SMARCA4: variants seen among roughly 807,000 people sequenced by gnomAD.
The protein encoded by SMARCA4 is SWI/SNF-related matrix-associated actin-dependent regulator of chromatin subfamily A member 4.
A neutral mutation model predicts 193.9 loss-of-function variants in SMARCA4; 31 were observed. The ratio of observed to expected loss-of-function variants is 0.16; its 90% CI spans 0.12 to 0.22. The LOEUF is 0.22. Ranked by LOEUF, SMARCA4 falls within the 10% of genes least tolerant of loss-of-function variation. The pLI, the probability that SMARCA4 is intolerant of heterozygous loss-of-function variation, is 1.00. For missense variants in SMARCA4, 1,148 were observed against 2,296.0 expected (o/e 0.50, Z 10.22); for synonymous variants, 942 against 933.1 (o/e 1.01, Z -0.17).
chr19:10,986,801 A>G lies in SMARCA4; in HGVS notation c.761-104A>G. On this transcript the variant is annotated intron_variant, in intron 4 of 34. Coordinates refer to ENST00000344626, the MANE Select transcript of SMARCA4 (RefSeq NM_003072.5). The surrounding 1 kb of genome is among the most constrained non-coding windows in gnomAD (Gnocchi z 6.7). ...GCTTCCCCTGGGGCCGCTGGTTAAT[A>G]GGTGTATCTGCTGTGTCCCCTGGAG... is the stretch of plus-strand genomic sequence containing the variant. 8.1e-7 allele frequency: 1 copy of G among 1,237,230 alleles called. No individual in the cohort carries two copies. Among genetic ancestry groups the G allele is most frequent in the Non-Finnish European group, 1.2e-6 (1 of 848,662 alleles). The allele number at this position is 1,237,230 out of a possible 1,614,324, so 76.6% of individuals were successfully genotyped here. A position where few individuals can be genotyped will look rare whatever the true frequency, so the allele number is the denominator to read the frequency against.
chr19:10,985,840 G>T lies in SMARCA4; in HGVS notation c.356-349G>T, dbSNP rs1216024504. On this transcript the variant is annotated intron_variant, in intron 3 of 34. Coordinates refer to ENST00000344626, the MANE Select transcript of SMARCA4 (RefSeq NM_003072.5). The surrounding 1 kb of genome is among the most constrained non-coding windows in gnomAD (Gnocchi z 4.5). ...GTCATCAGGGGTGGGAAGCTCAGGG[G>T]CTGCACTGGGAATGGAAGTGTTGGG... Among the ~76,000 whole-genome samples, 4 of 152,170 alleles carry T rather than the reference G, an allele frequency of 2.6e-5. No individual in the cohort carries two copies. The highest frequency in any genetic ancestry group is 5.9e-5 in the Non-Finnish European group (4 of 68,030).
chr19:11,053,955 T>C (rs2076402333), intron 30 of SMARCA4, among the ~76,000 whole-genome samples: 1 of 152,030 alleles, frequency 6.6e-6, no homozygotes, highest in African/African-American at 2.4e-5. Flanking sequence ...CTGCAGCAGG[T>C]GTTTGCAGTA....
At chr19:11,061,206 T>G (rs974069399) in intron 34 of SMARCA4, among the ~76,000 whole-genome samples, 1 of 38,950 alleles carries the variant, frequency 2.6e-5, no homozygotes. Flanking sequence ...AAAAAAAAAA[T>G]ATATATATAT....
intron 23 of SMARCA4, among the ~76,000 whole-genome samples, chr19:11,027,027 TC>T (rs1481201496): frequency 1.3e-5 from 2 of 152,220 alleles, no homozygotes. Context: ...CAGCCCAGAC[TC>T]CTTTAAGCCC....
chr19:10,991,964 G>A (rs188552756), intron 8 of SMARCA4, among the ~76,000 whole-genome samples: 1 of 152,244 alleles, frequency 6.6e-6, no homozygotes, highest in African/African-American at 2.4e-5. Context: ...TCAGTAAGAC[G>A]GAAATCTTCA....
intron 23 of SMARCA4, 61 bp downstream of exon 23, chr19:11,026,407 T>C: frequency 7.6e-7 from 1 of 1,313,488 alleles, no homozygotes; most frequent in Non-Finnish European, 1.1e-6. Flanking sequence ...TTTCTGTCGT[T>C]TTGTTGGCTT....
chr19:11,019,713 C>T lies in SMARCA4; in HGVS notation c.2616+12C>T, dbSNP rs754391614. On this transcript the variant is annotated intron_variant, in intron 18 of 34. Transcript: ENST00000344626. This position sits in a 1 kb window ranked among gnomAD's most constrained non-coding sequence, Gnocchi z 6.1. The stretch of plus-strand genomic sequence containing the variant: ...ACATCCTCGCCAAGGTAACGTGTCC[C>T]TGTGGGAAATGCCAGGCCATGGGCC... The T allele has an allele frequency of 1.3e-6, 2 of 1,589,212 alleles. No individual in the cohort carries two copies. The highest frequency in any genetic ancestry group is 2.2e-5 in the South Asian group (2 of 90,204).
chr19:11,050,560 G>C (rs2076201738), intron 30 of SMARCA4, among the ~76,000 whole-genome samples: 1 of 152,250 alleles, frequency 6.6e-6, no homozygotes, highest in Non-Finnish European at 1.5e-5. Flanking sequence ...GCTTTGGCCT[G>C]GGTCTGGCAG....
At position 11,035,194 on chromosome 19, in the gene SMARCA4, A is replaced by G. The variant is rs534891992; in HGVS notation, c.4170+62A>G. 55 of 1,469,880 alleles carry G rather than the reference A, an allele frequency of 3.7e-5. No individual in the cohort carries two copies. The African/African-American group carries it at 6.4e-4, about 17-fold the overall frequency. The allele number at this position is 1,469,880 out of a possible 1,614,324, so 91.1% of individuals were successfully genotyped here. On this transcript the variant is annotated intron_variant, in intron 29 of 34. Transcript: ENST00000344626. ...AGCGCCAGGCAGGGCTGGGGAGACAAAGGGCCCACCGCCAGGACTCAGGCC... is the reference window on the plus strand; with the variant it reads ...AGCGCCAGGCAGGGCTGGGGAGACAGAGGGCCCACCGCCAGGACTCAGGCC...
intron 30 of SMARCA4, among the ~76,000 whole-genome samples, chr19:11,057,825 A>G (rs754425821): frequency 4.6e-5 from 7 of 152,174 alleles, no homozygotes; most frequent in Non-Finnish European, 1.0e-4. Flanking sequence ...TGTGCAGGCC[A>G]GGCATGGTGG....
intron 1 of SMARCA4, among the ~76,000 whole-genome samples, chr19:10,961,972 A>ATTTTTT (rs1291248772): frequency 2.5e-5 from 3 of 121,764 alleles, no homozygotes; most frequent in Non-Finnish European, 1.7e-5. Context: ...ACCAGTCTTG[A>ATTTTTT]TTTTTTTTTT....
intron 34 of SMARCA4, among the ~76,000 whole-genome samples, chr19:11,061,011 C>T (rs2076832121): frequency 6.6e-6 from 1 of 151,776 alleles, no homozygotes; most frequent in African/African-American, 2.4e-5. Flanking sequence ...TTTTATGGCC[C>T]ATGCCAGGCT....
intron 8 of SMARCA4, among the ~76,000 whole-genome samples, chr19:10,991,911 G>C (rs2086592874): frequency 6.6e-6 from 1 of 152,120 alleles, no homozygotes; most frequent in Admixed American, 6.6e-5. Flanking sequence ...GAGGGTTCTG[G>C]GCAGTGCAGG....
chr19:11,006,571 T>G (rs2088222802), intron 13 of SMARCA4, among the ~76,000 whole-genome samples: 1 of 151,990 alleles, frequency 6.6e-6, no homozygotes, highest in Admixed American at 6.6e-5. Flanking sequence ...GCCAACATGA[T>G]GAAACCCCGT....
chr19:10,972,882 G>GAAATCGCTCAATTAATC (rs1401520980), intron 1 of SMARCA4, among the ~76,000 whole-genome samples: 9 of 152,214 alleles, frequency 5.9e-5, no homozygotes, highest in Non-Finnish European at 1.3e-4. Context: ...AGGCCAAAGT[G>GAAATCGCTCAATTAATC]GACGGATCAT....
At chr19:11,001,692 G>A (rs190903418) in intron 11 of SMARCA4, among the ~76,000 whole-genome samples, 151 of 152,270 alleles carry the variant, frequency 9.9e-4, no homozygotes, top group Non-Finnish European at 1.9e-4. Context: ...AGCTTTTAGC[G>A]CGTAGAGACT....
chr19:11,006,879 G>GTTT (rs2088262864), intron 13 of SMARCA4, among the ~76,000 whole-genome samples: 1 of 151,862 alleles, frequency 6.6e-6, no homozygotes, highest in South Asian at 2.1e-4. Flanking sequence ...GAGCTCAGGA[G>GTTT]TTTGAGACCA....
intron 1 of SMARCA4, among the ~76,000 whole-genome samples, chr19:10,974,036 A>T (rs1568401241): frequency 6.6e-6 from 1 of 152,200 alleles, no homozygotes. Flanking sequence ...GTGTCCGTGA[A>T]CAAATTTCCC....
intron 16 of SMARCA4, among the ~76,000 whole-genome samples, chr19:11,017,685 G>A (rs2089491124): frequency 6.6e-6 from 1 of 152,204 alleles, no homozygotes; most frequent in African/African-American, 2.4e-5. Flanking sequence ...CTTCTCCCTT[G>A]GTGCGCTGAC....
Sources: allele counts gnomAD v4.1 joint callset (sites outside exome capture counted in the v4.1 genomes callset), GRCh38; gene constraint gnomAD v4.1.1; non-coding constraint Gnocchi (gnomAD v3.1); transcripts MANE v1.5; gene names NCBI Gene and HGNC (gene_info 2026-07-23, HGNC 2026-07-21).